The following ATP5F1A variants were observed in gnomAD, a reference collection of about 807,000 sequenced individuals.
The protein encoded by ATP5F1A is ATP synthase F(1) complex subunit alpha, mitochondrial.
Under a neutral mutation model 57.4 loss-of-function variants are expected in ATP5F1A, and 24 were observed. The observed-to-expected ratio is 0.42, with a 90% CI of 0.30 to 0.59. The LOEUF is 0.59. Ranked by LOEUF, ATP5F1A falls within the 20% of genes least tolerant of loss-of-function variation. The pLI, the probability that ATP5F1A is intolerant of heterozygous loss-of-function variation, is 0.19. For synonymous variants in ATP5F1A, 251 were observed against 255.5 expected (o/e 0.98, Z 0.17); for missense variants, 494 against 707.9 (o/e 0.70, Z 3.43).
At chr18:46,086,522 G>C in intron 8 of ATP5F1A, 28 bp from the exon 9 acceptor site, 1 of 1,588,312 alleles carries the variant, frequency 6.3e-7, no homozygotes, top group Non-Finnish European at 8.6e-7. Context: ...ACGCACGCTA[G>C]CAAGCTTAAA....
At chr18:46,092,495 C>A (rs941574138) in intron 2 of ATP5F1A, among the ~76,000 whole-genome samples, 1 of 151,180 alleles carries the variant, frequency 6.6e-6, no homozygotes, top group Non-Finnish European at 1.5e-5. Context: ...GTAGTCCCAG[C>A]TACTCAGGAG....
chr18:46,095,260 G>T, intron 1 of ATP5F1A, 129 bp from the exon 2 acceptor site: 2 of 813,288 alleles, frequency 2.5e-6, no homozygotes, highest in Non-Finnish European at 3.8e-6. Context: ...AAAGCATTTT[G>T]TTTAAAATGT....
intron 10 of ATP5F1A, chr18:46,085,856 C>T (rs545735375): frequency 2.4e-6 from 1 of 422,086 alleles, no homozygotes; most frequent in Admixed American, 4.2e-5. Flanking sequence ...TCGCGTGAAT[C>T]CAGGAGGTGG....
intron 8 of ATP5F1A, 54 bp downstream of exon 8, chr18:46,086,954 C>T: frequency 6.4e-7 from 1 of 1,570,054 alleles, no homozygotes; most frequent in Non-Finnish European, 8.7e-7. Context: ...TCAACCAATG[C>T]CTTAGAATTA....
rs1450551445 is a variant in ATP5F1A at position 46,083,524 on chromosome 18, T to C, written c.*758A>G. On this transcript the variant is annotated 3_prime_UTR_variant, in exon 12 of 12. Transcript: ENST00000398752. ...AGCTTTTGTTCCAGCAATTTTTTCA[T>C]TTCCCTGAGAATTTTAACTGTCCTA... is the stretch of plus-strand genomic sequence containing the variant. 2 of 152,238 alleles carry C rather than the reference T, an allele frequency of 1.3e-5. No homozygotes were observed. The highest frequency in any genetic ancestry group is 1.5e-5 in the Non-Finnish European group (1 of 68,064). 9.4% of individuals were successfully genotyped at this position (152,238 alleles called of 1,614,324 possible).
chr18:46,089,533 G>T (rs1226020915), intron 5 of ATP5F1A, 33 bp downstream of exon 5: 1 of 1,609,078 alleles, frequency 6.2e-7, no homozygotes. Flanking sequence ...GCAAATTTTA[G>T]TTAGAACTTT....
intron 1 of ATP5F1A, among the ~76,000 whole-genome samples, chr18:46,095,684 A>T (rs1599789015): frequency 6.6e-6 from 1 of 150,846 alleles, no homozygotes; most frequent in East Asian, 2.0e-4. Context: ...TGGCTCAATC[A>T]CGGCTCACTA....
At chr18:46,087,743 G>A (rs1366746446) in intron 6 of ATP5F1A, 2 of 466,710 alleles carry the variant, frequency 4.3e-6, no homozygotes, top group Non-Finnish European at 7.6e-6. Context: ...AGCCGGACGT[G>A]GTGGCATGCA....
chr18:46,101,757 T>C (rs572087693), upstream of ATP5F1A, among the ~76,000 whole-genome samples: 1 of 151,838 alleles, frequency 6.6e-6, no homozygotes, highest in South Asian at 2.1e-4. Context: ...CTGGGCATGG[T>C]GGCACATGCC....
intron 1 of ATP5F1A, among the ~76,000 whole-genome samples, chr18:46,103,850 G>A (rs1400994966): frequency 6.6e-6 from 1 of 151,412 alleles, no homozygotes; most frequent in Non-Finnish European, 1.5e-5. Flanking sequence ...GGAGGCAGAG[G>A]TTGCAGTGAG....
Position 46,088,097 on chromosome 18 carries a change from T to A in ATP5F1A, c.799+12A>T. 1.3e-6 allele frequency: 2 copies of A among 1,588,930 alleles called. No individual in the cohort carries two copies. Among genetic ancestry groups the A allele is most frequent in the Non-Finnish European group, 8.5e-7 (1 of 1,175,078 alleles). ...TAAGATAATAGCAATGGGACTAAAT[T>A]TCTTTTAATACCTGCATCTGTAAGT... On this transcript the variant is annotated intron_variant, in intron 6 of 11. Transcript: ENST00000398752.
chr18:46,087,514 T>G, intron 6 of ATP5F1A, 22 bp from the exon 7 acceptor site: 2 of 1,607,240 alleles, frequency 1.2e-6, no homozygotes, highest in Non-Finnish European at 1.7e-6. Flanking sequence ...TATTTTACAA[T>G]TTTATCAATA....
chr18:46,089,323 A>G, intron 5 of ATP5F1A: 1 of 459,656 alleles, frequency 2.2e-6, no homozygotes, highest in East Asian at 3.9e-5. Context: ...ATGGGGCTCA[A>G]ACCCACGACC....
chr18:46,086,607 A>G (rs1473912902), intron 8 of ATP5F1A, 113 bp from the exon 9 acceptor site: 2 of 963,356 alleles, frequency 2.1e-6, no homozygotes, highest in Admixed American at 2.4e-5. Flanking sequence ...AATGCAAAGC[A>G]TCAGTACCCC....
intron 11 of ATP5F1A, 69 bp from the exon 12 acceptor site, chr18:46,084,432 G>A: frequency 6.3e-7 from 1 of 1,576,234 alleles, no homozygotes; most frequent in Non-Finnish European, 8.6e-7. Flanking sequence ...CCTAACTACA[G>A]ATTTGAAAAT....
intron 2 of ATP5F1A, 179 bp downstream of exon 2, chr18:46,094,874 A>G (rs1274213293): frequency 1.1e-5 from 11 of 965,546 alleles, no homozygotes; most frequent in African/African-American, 1.7e-5. Context: ...AGTTCATTTG[A>G]CTATAACAAG....
At chr18:46,093,972 TG>T (rs1348677284) in intron 2 of ATP5F1A, among the ~76,000 whole-genome samples, 2 of 151,794 alleles carry the variant, frequency 1.3e-5, no homozygotes, top group Non-Finnish European at 2.9e-5. Context: ...CTGGGTGTGG[TG>T]GTGGGCACCT....
At chr18:46,090,069 GAAAATAGT>G in intron 3 of ATP5F1A, 73 bp from the exon 4 acceptor site, 1 of 280,270 alleles carries the variant, frequency 3.6e-6, no homozygotes, top group Non-Finnish European at 6.0e-6. Context: ...TACTACATAA[GAAAATAGT>G]CGGGGGGTGG....
intron 2 of ATP5F1A, 102 bp downstream of exon 2, chr18:46,094,950 GA>G: frequency 7.2e-7 from 1 of 1,390,458 alleles, no homozygotes; most frequent in African/African-American, 1.5e-5. Flanking sequence ...ACAAACTAGA[GA>G]AAAAACTAAC....
Sources: gnomAD v4.1 joint callset for allele counts (sites outside exome capture counted in the v4.1 genomes callset) on GRCh38, gnomAD v4.1.1 for gene constraint, MANE v1.5 for transcripts, NCBI Gene and HGNC (gene_info 2026-07-23, HGNC 2026-07-21) for gene names.